KIF18A: variants seen among roughly 807,000 people sequenced by gnomAD.
The protein encoded by KIF18A is kinesin family member 18A.
KIF18A carries 67 observed loss-of-function variants against 103.3 expected under a neutral mutation model. The ratio of observed to expected loss-of-function variants is 0.65; its 90% confidence interval spans 0.53 to 0.79. KIF18A has a LOEUF of 0.79. Among genes scored for constraint, KIF18A ranks in the 30% least tolerant of loss-of-function variants. The probability of loss-of-function intolerance (pLI) is 0.00; values close to 1 mark genes in which losing one functional copy is unlikely to be tolerated. For synonymous variants in KIF18A, 367 were observed against 355.5 expected (o/e 1.03, Z -0.36); for missense variants, 1,032 against 1,062.5 (o/e 0.97, Z 0.40).
intron 13 of KIF18A, among the ~76,000 whole-genome samples, chr11:28,047,080 A>G (rs956147117): frequency 1.4e-5 from 2 of 143,932 alleles, no homozygotes; most frequent in African/African-American, 5.0e-5. Context: ...AAAAAAAAAG[A>G]GAAAGAAATA....
intron 6 of KIF18A, among the ~76,000 whole-genome samples, chr11:28,085,873 C>T (rs558860294): frequency 1.9e-4 from 29 of 152,228 alleles, no homozygotes; most frequent in Middle Eastern, 6.8e-3. Context: ...AGAACTTAAG[C>T]GCTACCCAAT....
At chr11:28,038,050 C>T (rs970751755) in intron 13 of KIF18A, among the ~76,000 whole-genome samples, 13 of 151,308 alleles carry the variant, frequency 8.6e-5, no homozygotes, top group African/African-American at 3.1e-4. Flanking sequence ...TATACCAATT[C>T]TGTCTTTTTT....
intron 11 of KIF18A, among the ~76,000 whole-genome samples, chr11:28,067,961 T>G (rs923143031): frequency 3.3e-5 from 5 of 152,164 alleles, no homozygotes; most frequent in African/African-American, 1.2e-4. Flanking sequence ...TAAAGACACA[T>G]GCACACATAT....
intron 15 of KIF18A, among the ~76,000 whole-genome samples, chr11:28,027,335 A>C (rs1430245428): frequency 6.6e-6 from 1 of 151,898 alleles, no homozygotes; most frequent in Non-Finnish European, 1.5e-5. Flanking sequence ...AATATATTTA[A>C]GATTTTTCCT....
At chr11:28,086,455 T>A (rs1023740558) in intron 6 of KIF18A, among the ~76,000 whole-genome samples, 1 of 152,238 alleles carries the variant, frequency 6.6e-6, no homozygotes, top group Non-Finnish European at 1.5e-5. Context: ...GTTTCTGATT[T>A]TGAAGTAACA....
intron 3 of KIF18A, among the ~76,000 whole-genome samples, chr11:28,093,864 G>A (rs1263186308): frequency 6.6e-6 from 1 of 152,086 alleles, no homozygotes; most frequent in Non-Finnish European, 1.5e-5. Context: ...AAAGTTTGAG[G>A]AGTAAGGAAT....
chr11:28,097,322 A>C (rs1201044325), intron 2 of KIF18A: 2 of 257,326 alleles, frequency 7.8e-6, no homozygotes, highest in Non-Finnish European at 1.5e-5. Context: ...AGGTTATGAG[A>C]AAACTGATGT....
chr11:28,072,811 T>C (rs1268706150), intron 10 of KIF18A, among the ~76,000 whole-genome samples: 1 of 151,862 alleles, frequency 6.6e-6, no homozygotes, highest in Non-Finnish European at 1.5e-5. Context: ...CCCATTCTAT[T>C]ACTCTATGTC....
intron 10 of KIF18A, chr11:28,076,466 CT>C (rs1377536256): frequency 6.6e-6 from 1 of 152,138 alleles, no homozygotes; most frequent in African/African-American, 2.4e-5. Flanking sequence ...AACTGAGATT[CT>C]GTTGTTTTTG....
At chr11:28,037,195 T>G (rs1850504767) in intron 13 of KIF18A, among the ~76,000 whole-genome samples, 1 of 151,460 alleles carries the variant, frequency 6.6e-6, no homozygotes, top group Non-Finnish European at 1.5e-5. Context: ...TATTACTAAT[T>G]GAGTGGAAGT....
chr11:28,082,258 G>A (rs1430287870), intron 9 of KIF18A, among the ~76,000 whole-genome samples: 1 of 152,092 alleles, frequency 6.6e-6, no homozygotes, highest in Admixed American at 6.6e-5. Context: ...AAGTTCTACC[G>A]TGGGTAAAAT....
intron 6 of KIF18A, among the ~76,000 whole-genome samples, chr11:28,087,779 TC>T (rs1851247362): frequency 6.6e-6 from 1 of 152,192 alleles, no homozygotes; most frequent in East Asian, 1.9e-4. Flanking sequence ...TGATCGCCAT[TC>T]TAACTGGCAT....
chr11:28,082,423 T>C (rs1410152689), intron 9 of KIF18A, among the ~76,000 whole-genome samples: 4 of 152,084 alleles, frequency 2.6e-5, no homozygotes, highest in African/African-American at 9.7e-5. Context: ...GCCATAAACA[T>C]TGAGGGAAGA....
intron 6 of KIF18A, among the ~76,000 whole-genome samples, chr11:28,087,656 T>C (rs1189513959): frequency 6.6e-6 from 1 of 152,208 alleles, no homozygotes; most frequent in Non-Finnish European, 1.5e-5. Context: ...CCTTGAGGAA[T>C]CGCCACACTG....
intron 6 of KIF18A, 87 bp from the exon 7 acceptor site, chr11:28,084,895 G>T (rs1590704100): frequency 1.0e-6 from 1 of 967,188 alleles, no homozygotes; most frequent in Non-Finnish European, 1.6e-6. Context: ...GTGGGGGGAG[G>T]ATTACCTAGG....
At chr11:28,068,218 C>T (rs1023138310) in intron 11 of KIF18A, among the ~76,000 whole-genome samples, 2 of 151,726 alleles carry the variant, frequency 1.3e-5, no homozygotes, top group African/African-American at 4.8e-5. Flanking sequence ...GGGAGTTGAA[C>T]AATGAGAACA....
rs1405692611 is a variant in KIF18A, at chr11:28,084,628, T to A, written c.1074+4A>T. On this transcript the variant is annotated splice_donor_region_variant and intron_variant, in intron 7 of 16. Transcript: ENST00000263181. ...CACAACAAAGGCAGAGTAAACAGAC[T>A]TACAGAAGATTTAATGTCCTTTGCC... 1.3e-6 allele frequency: 2 copies of A among 1,598,148 alleles called. No individual in the cohort carries two copies. The highest frequency in any genetic ancestry group is 1.7e-4 in the Middle Eastern group (1 of 5,998).
At chr11:28,054,265 C>T (rs976463487) in intron 13 of KIF18A, among the ~76,000 whole-genome samples, 1 of 149,816 alleles carries the variant, frequency 6.7e-6, no homozygotes, top group Admixed American at 6.7e-5. Flanking sequence ...GGCTGAAGTG[C>T]AATGGTGCAA....
rs188983536 is a variant in KIF18A, at chr11:28,076,989, T to C, written c.1425+18A>G. On this transcript the variant is annotated intron_variant, in intron 10 of 16. Transcript: ENST00000263181. Reference sequence around the variant, plus strand: ...GTTTTTATACTTTCTAAAATTTAATTATAAAATTGTTAATTACCTTTTCTA... The same window carrying C: ...GTTTTTATACTTTCTAAAATTTAATCATAAAATTGTTAATTACCTTTTCTA... 545 of 1,294,588 alleles carry C rather than the reference T, an allele frequency of 4.2e-4. 2 individuals carry two copies. Among genetic ancestry groups the C allele is most frequent in the Non-Finnish European group, 1.6e-4 (156 of 969,660 alleles). The allele number at this position is 1,294,588 out of a possible 1,614,324, so 80.2% of individuals were successfully genotyped here.
Sources: gnomAD v4.1 joint callset for allele counts (sites outside exome capture counted in the v4.1 genomes callset) on GRCh38, gnomAD v4.1.1 for gene constraint, MANE v1.5 for transcripts, NCBI Gene and HGNC (gene_info 2026-07-23, HGNC 2026-07-21) for gene names.